DCC: variants seen among roughly 807,000 people sequenced by gnomAD.
The protein encoded by DCC is netrin receptor DCC.
In DCC, 58 loss-of-function variants were observed where a neutral mutation model predicts 172.5. The observed-to-expected ratio is 0.34, with a 90% CI of 0.27 to 0.42. The LOEUF is 0.42. Among genes scored for constraint, DCC ranks in the 10% least tolerant of loss-of-function variants. The pLI is 1.00. For missense variants in DCC, 1,740 were observed against 1,791.0 expected, an observed-to-expected ratio of 0.97 and a Z score of 0.51; for synonymous variants, 709 against 644.5, an observed-to-expected ratio of 1.10 and a Z score of -1.52.
At chr18:53,227,879 G>A (rs1022098130) in intron 12 of DCC, among the ~76,000 whole-genome samples, 4 of 152,108 alleles carry the variant, frequency 2.6e-5, no homozygotes, top group African/African-American at 9.7e-5. Context: ...CTATTAACTA[G>A]ATTGCTGTCT....
intron 12 of DCC, among the ~76,000 whole-genome samples, chr18:53,272,551 A>G (rs888965938): frequency 3.9e-5 from 6 of 152,162 alleles, no homozygotes; most frequent in Non-Finnish European, 7.4e-5. Context: ...TAATGGATCT[A>G]CTTATGACAC....
At chr18:52,964,495 A>G (rs1267934816) in intron 5 of DCC, among the ~76,000 whole-genome samples, 1 of 152,134 alleles carries the variant, frequency 6.6e-6, no homozygotes, top group Non-Finnish European at 1.5e-5. Context: ...ATCATGGATT[A>G]GGGCTATAGT....
intron 12 of DCC, among the ~76,000 whole-genome samples, chr18:53,265,774 TG>T (rs1487528828): frequency 6.6e-6 from 1 of 152,216 alleles, no homozygotes; most frequent in African/African-American, 2.4e-5. Flanking sequence ...AGGGTCTCCT[TG>T]CCATCTTATC....
rs529416968 is a variant in DCC, at chr18:52,941,633, A to G, written c.985+16263A>G. On this transcript the variant is annotated intron_variant, in intron 5 of 28. Coordinates refer to ENST00000442544, the MANE Select transcript of DCC (RefSeq NM_005215.4). ...AAGGAAATATTTTGTCATTAAAGAA[A>G]CATGTAAGCATTATAGGTAAATTTG... is the stretch of plus-strand genomic sequence containing the variant. Among the ~76,000 whole-genome samples the G allele has an allele frequency of 5.3e-5, 8 of 152,248 alleles. No individual in the cohort carries two copies. The East Asian group carries it at 1.4e-3, about 26-fold the overall frequency.
At chr18:52,590,062 C>T (rs1438251038) in intron 1 of DCC, among the ~76,000 whole-genome samples, 1 of 151,884 alleles carries the variant, frequency 6.6e-6, no homozygotes, top group African/African-American at 2.4e-5. Context: ...CATTTTAAAG[C>T]CCATGCTTTA....
chr18:52,687,716 G>A (rs1445163289), intron 1 of DCC, among the ~76,000 whole-genome samples: 4 of 152,060 alleles, frequency 2.6e-5, no homozygotes, highest in Non-Finnish European at 5.9e-5. Context: ...AAAACTCAAA[G>A]CCAAATATTG....
chr18:52,369,947 C>T (rs752703928), intron 1 of DCC, among the ~76,000 whole-genome samples: 9 of 152,028 alleles, frequency 5.9e-5, no homozygotes, highest in Admixed American at 1.3e-4. Context: ...TCATCTTATC[C>T]AAACATACAG....
chr18:53,405,317 C>A (rs1372553350), intron 19 of DCC, among the ~76,000 whole-genome samples: 1 of 151,938 alleles, frequency 6.6e-6, no homozygotes, highest in African/African-American at 2.4e-5. Context: ...GTATGGCAGG[C>A]AGTAGAGCAG....
intron 2 of DCC, among the ~76,000 whole-genome samples, chr18:52,863,068 T>G (rs2039169158): frequency 6.6e-6 from 1 of 152,112 alleles, no homozygotes; most frequent in South Asian, 2.1e-4. Context: ...ATTTTTCCTA[T>G]TTTCTTTCTT....
intron 10 of DCC, among the ~76,000 whole-genome samples, chr18:53,206,575 TATCTATAC>T (rs1290921285): frequency 6.9e-6 from 1 of 145,264 alleles, no homozygotes; most frequent in Admixed American, 7.0e-5. Context: ...ATATAATACA[TATCTATAC>T]ATCTATATGT....
At chr18:52,796,007 T>A (rs756820744) in intron 2 of DCC, among the ~76,000 whole-genome samples, 1 of 151,890 alleles carries the variant, frequency 6.6e-6, no homozygotes, top group Admixed American at 6.6e-5. Flanking sequence ...TTTTTCAATA[T>A]ATGACCTTGT....
intron 5 of DCC, among the ~76,000 whole-genome samples, chr18:53,023,968 G>A (rs1422381878): frequency 3.3e-5 from 5 of 152,044 alleles, no homozygotes; most frequent in Admixed American, 2.0e-4. Flanking sequence ...GTATCTATAT[G>A]TTATGGTTCA....
At chr18:53,182,922 A>T (rs1422385109) in intron 9 of DCC, among the ~76,000 whole-genome samples, 2 of 152,122 alleles carry the variant, frequency 1.3e-5, no homozygotes, top group Non-Finnish European at 2.9e-5. Context: ...ATCAGAATTT[A>T]GTGGCAAGAT....
chr18:53,057,576 T>C (rs1271288671), intron 5 of DCC, among the ~76,000 whole-genome samples: 2 of 152,084 alleles, frequency 1.3e-5, no homozygotes, highest in African/African-American at 4.8e-5. Context: ...TTTCTGGCCA[T>C]GGATTTTATT....
chr18:52,484,737 A>G (rs981014304), intron 1 of DCC, among the ~76,000 whole-genome samples: 2 of 151,926 alleles, frequency 1.3e-5, no homozygotes, highest in African/African-American at 4.8e-5. Flanking sequence ...GCACCTATCA[A>G]ACCACCATGG....
intron 7 of DCC, among the ~76,000 whole-genome samples, chr18:53,141,123 A>G (rs2043824169): frequency 6.6e-6 from 1 of 152,162 alleles, no homozygotes; most frequent in Non-Finnish European, 1.5e-5. Context: ...AGAAAAATCT[A>G]CCATACTCAT....
rs2037002613 is a variant in DCC, at chr18:52,752,036, T to C, written c.92-18T>C. 3 of 1,605,068 alleles carry C rather than the reference T, an allele frequency of 1.9e-6. No individual in the cohort carries two copies. The highest frequency in any genetic ancestry group is 2.2e-5 in the East Asian group (1 of 44,830). ...ATTTGAATACATGAACATATTTCCC[T>C]GTGCTCTCTTGTTCCAGGTTTTCAA... On this transcript the variant is annotated intron_variant, in intron 1 of 28. Transcript: ENST00000442544.
intron 1 of DCC, among the ~76,000 whole-genome samples, chr18:52,394,195 T>G (rs985797559): frequency 1.3e-5 from 2 of 152,080 alleles, no homozygotes; most frequent in African/African-American, 4.8e-5. Flanking sequence ...GTCTTTCTAT[T>G]GCTGTGTTGA....
intron 15 of DCC, among the ~76,000 whole-genome samples, chr18:53,366,799 AG>A (rs1159945702): frequency 6.6e-6 from 1 of 152,164 alleles, no homozygotes; most frequent in Non-Finnish European, 1.5e-5. Flanking sequence ...AGGTGAGCAA[AG>A]GTGCCAATGC....
Sources: gnomAD v4.1 joint callset for allele counts (sites outside exome capture counted in the v4.1 genomes callset) on GRCh38, gnomAD v4.1.1 for gene constraint, MANE v1.5 for transcripts, NCBI Gene and HGNC (gene_info 2026-07-23, HGNC 2026-07-21) for gene names.